The following CDKN2B-AS1 variants were observed in gnomAD, a reference collection of about 807,000 sequenced individuals.
The protein encoded by CDKN2B-AS1 is CDKN2B antisense RNA 1 (non-protein coding).
At chr9:22,120,942 A>T (rs1210547603) in intron 4 of CDKN2B-AS1, 1 of 152,138 alleles carries the variant, frequency 6.6e-6, no homozygotes, top group Admixed American at 6.5e-5. Flanking sequence ...TATTATCCCC[A>T]TGTTACATAT....
intron 4 of CDKN2B-AS1, among the ~76,000 whole-genome samples, chr9:22,069,375 A>G (rs1193650612): frequency 6.6e-6 from 1 of 152,196 alleles, no homozygotes; most frequent in Non-Finnish European, 1.5e-5. Flanking sequence ...TAGCTGAGGA[A>G]TATAGATTAG....
At position 22,005,993 on chromosome 9, in the gene CDKN2B-AS1, C is replaced by G; in HGVS notation, n.29+10832C>G. 1 of 1,602,272 alleles carries G rather than the reference C, an allele frequency of 6.2e-7. No individual in the cohort carries two copies. Among genetic ancestry groups the G allele is most frequent in the Non-Finnish European group, 8.5e-7 (1 of 1,179,802 alleles). On this transcript the variant is annotated intron_variant and non_coding_transcript_variant, in intron 1 of 4. Coordinates refer to ENST00000650946, the Ensembl canonical transcript of CDKN2B-AS1. This position sits in a 1 kb window ranked among gnomAD's most constrained non-coding sequence, Gnocchi z 4.9. Reference sequence around the variant, plus strand: ...GCGGCTGGGGAACCTGGCGTCAGTCCCCCGTGGCTGTGCGCAGGTACCCTG... The same window carrying G: ...GCGGCTGGGGAACCTGGCGTCAGTCGCCCGTGGCTGTGCGCAGGTACCCTG...
Position 22,005,934 on chromosome 9 carries a change from T to G in CDKN2B-AS1, n.29+10773T>G, listed in dbSNP as rs1181424323. On this transcript the variant is annotated intron_variant and non_coding_transcript_variant, in intron 1 of 4. Coordinates refer to ENST00000650946, the Ensembl canonical transcript of CDKN2B-AS1. This position sits in a 1 kb window ranked among gnomAD's most constrained non-coding sequence, Gnocchi z 4.9. ...CTTCATCGAATTAGGTGGGTGGGGG[T>G]GGGAAATTGGGTAAGAAAATAAAGT... 9 of 1,576,160 alleles carry G rather than the reference T, an allele frequency of 5.7e-6. 1 individual carries two copies. Among genetic ancestry groups the G allele is most frequent in the South Asian group, 2.3e-5 (2 of 88,850 alleles).
chr9:22,049,450 G>A (rs370768467), intron 3 of CDKN2B-AS1, among the ~76,000 whole-genome samples: 2 of 146,118 alleles, frequency 1.4e-5, no homozygotes, highest in African/African-American at 5.2e-5. Flanking sequence ...TGCTTTCCTT[G>A]TGAAGCTTCT....
chr9:22,071,592 G>A (rs1587491285), intron 4 of CDKN2B-AS1, among the ~76,000 whole-genome samples: 1 of 151,940 alleles, frequency 6.6e-6, no homozygotes, highest in Non-Finnish European at 1.5e-5. Flanking sequence ...GTGACCCTGG[G>A]TATTTCTTTC....
chr9:22,011,210 T>C (rs1821489365), intron 1 of CDKN2B-AS1, among the ~76,000 whole-genome samples: 1 of 152,198 alleles, frequency 6.6e-6, no homozygotes, highest in East Asian at 1.9e-4. Context: ...TTTTCTCCCG[T>C]CAAATAGAAA....
At chr9:22,009,961 G>A (rs3217973) in intron 1 of CDKN2B-AS1, among the ~76,000 whole-genome samples, 2,156 of 152,028 alleles carry the variant, frequency 0.014, 59 homozygotes, top group African/African-American at 0.05. Context: ...GTTCGAGATT[G>A]AGAGTGGCAA....
intron 1 of CDKN2B-AS1, chr9:22,003,757 G>T (rs1195259117): frequency 4.3e-6 from 1 of 231,986 alleles, no homozygotes; most frequent in Non-Finnish European, 8.5e-6. Flanking sequence ...TGTTGGGGGG[G>T]GTTATTCTCC....
chr9:22,081,044 CA>C (rs1824675180), intron 4 of CDKN2B-AS1, among the ~76,000 whole-genome samples: 1 of 152,148 alleles, frequency 6.6e-6, no homozygotes, highest in Non-Finnish European at 1.5e-5. Context: ...TACTGCAGTA[CA>C]TTTTTTTCTT....
chr9:22,053,587 A>C lies in CDKN2B-AS1; in HGVS notation n.303-2665A>C, dbSNP rs554904419. 8.0e-4 allele frequency among the ~76,000 whole-genome samples: 122 copies of C among 152,252 alleles called. 1 individual carries two copies. Among genetic ancestry groups the C allele is most frequent in the African/African-American group, 2.9e-3 (119 of 41,548 alleles). ...TTTTCTCTCTCTTCCCTTTTCCTCC[A>C]ACTCGTAGCCAGAGCTACCTTCCAG... On this transcript the variant is annotated intron_variant and non_coding_transcript_variant, in intron 3 of 4. Transcript: ENST00000650946.
Position 22,023,776 on chromosome 9 carries a change from G to C in CDKN2B-AS1, n.30-22975G>C, listed in dbSNP as rs76774391. On this transcript the variant is annotated intron_variant and non_coding_transcript_variant, in intron 1 of 4. Transcript: ENST00000650946. ...TACACATTTTTGTGGCCTGTTTTTA[G>C]CTCTATCAAGTCAGTTACATTCTTC... Among the ~76,000 whole-genome samples, 1,367 of 152,252 alleles carry C rather than the reference G, an allele frequency of 9.0e-3. 108 individuals are homozygous for C. The East Asian group carries it at 0.2, about 22-fold the overall frequency.
At chr9:22,060,638 C>G (rs1011647856) in intron 4 of CDKN2B-AS1, among the ~76,000 whole-genome samples, 20 of 152,176 alleles carry the variant, frequency 1.3e-4, no homozygotes, top group African/African-American at 4.3e-4. Flanking sequence ...AAGCCCCACT[C>G]TACTGGTACC....
At position 22,068,955 on chromosome 9, in the gene CDKN2B-AS1, T is replaced by C. The variant is rs1297705492; in HGVS notation, n.438+12568T>C. The stretch of plus-strand genomic sequence containing the variant: ...GGGAATTACCCCAGGGACCTATGCT[T>C]TGGGGACTCGTCCTTCCTGGCAGCT... On this transcript the variant is annotated intron_variant and non_coding_transcript_variant, in intron 4 of 4. Coordinates refer to ENST00000650946, the Ensembl canonical transcript of CDKN2B-AS1. 3.3e-5 allele frequency among the ~76,000 whole-genome samples: 5 copies of C among 152,282 alleles called. 1 individual carries two copies. The highest frequency in any genetic ancestry group is 4.1e-4 in the South Asian group (2 of 4,824).
At chr9:22,109,385 A>C (rs1386437503) in intron 4 of CDKN2B-AS1, among the ~76,000 whole-genome samples, 1 of 152,180 alleles carries the variant, frequency 6.6e-6, no homozygotes, top group Non-Finnish European at 1.5e-5. Context: ...TTTGGAATAA[A>C]TCGCTGTCTC....
chr9:22,098,575 A>G lies in CDKN2B-AS1; in HGVS notation n.439-28528A>G, dbSNP rs4977574. Among the ~76,000 whole-genome samples the G allele has an allele frequency of 0.4, 61,534 of 152,068 alleles. 13,949 individuals are homozygous for G. The highest frequency in any genetic ancestry group is 0.63 in the Middle Eastern group (186 of 294). ...GGGTACATCAAATGCATTCTATAGC[A>G]CAGGATGTTCCAGTCACTCTAACAA... On this transcript the variant is annotated intron_variant and non_coding_transcript_variant, in intron 4 of 4. Transcript: ENST00000650946.
At chr9:22,037,508 A>C (rs1340424807) in intron 1 of CDKN2B-AS1, among the ~76,000 whole-genome samples, 2 of 151,856 alleles carry the variant, frequency 1.3e-5, no homozygotes, top group Non-Finnish European at 2.9e-5. Flanking sequence ...ATAACATGTC[A>C]TTGTTCTTTT....
At chr9:22,063,000 G>T (rs10965221) in intron 4 of CDKN2B-AS1, among the ~76,000 whole-genome samples, 113,032 of 132,256 alleles carry the variant, frequency 0.85, 46,925 homozygotes, top group Middle Eastern at 0.91. Flanking sequence ...TATATATATA[G>T]AGAGAGAGAG....
chr9:22,095,024 T>C (rs1244598580), intron 4 of CDKN2B-AS1, among the ~76,000 whole-genome samples: 3 of 145,012 alleles, frequency 2.1e-5, no homozygotes, highest in Non-Finnish European at 4.4e-5. Context: ...TAGTTTTCCT[T>C]CTAACAGTCA....
At chr9:22,121,139 A>G (rs933100205) in intron 4 of CDKN2B-AS1, 4 of 152,132 alleles carry the variant, frequency 2.6e-5, no homozygotes, top group African/African-American at 9.7e-5. Context: ...ACCCCATAAC[A>G]CATAATCACT....
Sources: allele counts gnomAD v4.1 joint callset (sites outside exome capture counted in the v4.1 genomes callset), GRCh38; gene constraint gnomAD v4.1.1; non-coding constraint Gnocchi (gnomAD v3.1); transcripts MANE v1.5; gene names NCBI Gene and HGNC (gene_info 2026-07-23, HGNC 2026-07-21).